Variants in PCNX2 observed in about 807,000 individuals in gnomAD.
PCNX2 encodes the protein pecanex-like protein 2.
A neutral mutation model predicts 223.8 loss-of-function variants in PCNX2; 168 were observed. That is an observed-to-expected ratio of 0.75 (90% CI 0.66 to 0.85). PCNX2 has a LOEUF of 0.85. Among genes scored for constraint, PCNX2 ranks in the 40% least tolerant of loss-of-function variants. The probability of loss-of-function intolerance (pLI) is 0.00; values close to 1 mark genes in which losing one functional copy is unlikely to be tolerated. For missense variants in PCNX2, 2,507 were observed against 2,675.5 expected (o/e 0.94, Z 1.39); for synonymous variants, 1,006 against 1,052.6 (o/e 0.96, Z 0.86).
At chr1:233,259,873 A>G in intron 4 of PCNX2, 1 of 878,332 alleles carries the variant, frequency 1.1e-6, no homozygotes, top group Non-Finnish European at 1.4e-6. Context: ...ACACAACAAT[A>G]AAAATAAAAC....
intron 26 of PCNX2, among the ~76,000 whole-genome samples, chr1:233,017,827 T>C (rs1205218455): frequency 6.6e-6 from 1 of 152,200 alleles, no homozygotes; most frequent in Admixed American, 6.5e-5. Flanking sequence ...ATAATTTGTA[T>C]GATGAGGAAG....
chr1:233,183,307 C>A (rs376646661), intron 15 of PCNX2, among the ~76,000 whole-genome samples: 2 of 152,086 alleles, frequency 1.3e-5, no homozygotes, highest in African/African-American at 4.8e-5. Flanking sequence ...CATTAGACAC[C>A]GGACTCCCCA....
At position 233,274,676 on chromosome 1, in the gene PCNX2, G is replaced by A. The variant is rs554841439; in HGVS notation, c.154-11513C>T. 1.8e-4 allele frequency among the ~76,000 whole-genome samples: 27 copies of A among 152,290 alleles called. 1 individual carries two copies. The highest frequency in any genetic ancestry group is 8.3e-4 in the South Asian group (4 of 4,822). On this transcript the variant is annotated intron_variant, in intron 1 of 33. Coordinates refer to ENST00000258229, the MANE Select transcript of PCNX2 (RefSeq NM_014801.4). Reference sequence around the variant, plus strand: ...ACTATTTCAGAGAAGTCACACATTTGAAAACTATAAAGCATGCTGAGAAAA... The same window carrying A: ...ACTATTTCAGAGAAGTCACACATTTAAAAACTATAAAGCATGCTGAGAAAA...
chr1:233,119,645 A>G (rs1675652000), intron 21 of PCNX2, among the ~76,000 whole-genome samples: 1 of 151,848 alleles, frequency 6.6e-6, no homozygotes, highest in East Asian at 1.9e-4. Context: ...ATGGCTTAGG[A>G]AACAAACAAA....
chr1:233,246,869 G>A (rs746763635), intron 8 of PCNX2, among the ~76,000 whole-genome samples: 2 of 152,196 alleles, frequency 1.3e-5, no homozygotes, highest in Non-Finnish European at 2.9e-5. Flanking sequence ...TCTAAATTGA[G>A]CCTGATAGCT....
the PCNX2 span, among the ~76,000 whole-genome samples, chr1:233,308,579 G>A: frequency 2.6e-5 from 4 of 152,124 alleles, no homozygotes; most frequent in Non-Finnish European, 4.4e-5. Flanking sequence ...GATATTTAGT[G>A]GTATAAGAGT....
chr1:233,049,006 T>C (rs1186546298), intron 25 of PCNX2, among the ~76,000 whole-genome samples: 1 of 152,020 alleles, frequency 6.6e-6, no homozygotes, highest in African/African-American at 2.4e-5. Context: ...TGAAATTGAA[T>C]ATGTAATAAA....
At chr1:233,091,381 T>G (rs553239382) in intron 22 of PCNX2, among the ~76,000 whole-genome samples, 1 of 152,034 alleles carries the variant, frequency 6.6e-6, no homozygotes, top group Admixed American at 6.5e-5. Flanking sequence ...ACTCTGCATT[T>G]CATTATCAAG....
chr1:232,985,960 T>C (rs1274552763), intron 33 of PCNX2, 132 bp downstream of exon 33: 1 of 992,560 alleles, frequency 1.0e-6, no homozygotes, highest in South Asian at 1.4e-5. Flanking sequence ...TTTGTCACTC[T>C]GGGAGCCCCA....
chr1:233,023,802 T>C (rs1418515969), intron 26 of PCNX2, among the ~76,000 whole-genome samples: 1 of 152,248 alleles, frequency 6.6e-6, no homozygotes, highest in Admixed American at 6.5e-5. Context: ...GTTGTAAACA[T>C]GCTGCCACAG....
At chr1:233,295,861 T>C (rs184943788), upstream of PCNX2, 594 of 213,832 alleles carry the variant, frequency 2.8e-3, 2 homozygotes, top group Non-Finnish European at 3.4e-3. This position sits in a 1 kb window ranked among gnomAD's most constrained non-coding sequence, Gnocchi z 4.1. Flanking sequence ...GCCTTTTCTT[T>C]CTCTCTTTCT....
chr1:233,227,148 T>C lies in PCNX2; in HGVS notation c.2504+78A>G, dbSNP rs1572111731. On this transcript the variant is annotated intron_variant, in intron 10 of 33. Transcript: ENST00000258229. ...TGAAAATGTGCAAGTGACAATGTTC[T>C]CTTTGAAAGCATGCAGTGGGCACTG... is the stretch of plus-strand genomic sequence containing the variant. The C allele has an allele frequency of 2.1e-6, 3 of 1,419,330 alleles. No individual in the cohort carries two copies. The East Asian group carries it at 7.5e-5, about 36-fold the overall frequency. 87.9% of individuals were successfully genotyped at this position (1,419,330 alleles called of 1,614,324 possible).
intron 33 of PCNX2, chr1:232,984,737 C>T (rs890581278): frequency 2.5e-6 from 1 of 399,304 alleles, no homozygotes; most frequent in African/African-American, 2.1e-5. Context: ...AAGAGCGGCC[C>T]TGGGGGGAAG....
Position 233,252,689 on chromosome 1 carries a change from T to A in PCNX2, c.1934A>T (p.His645Leu). 1.9e-6 allele frequency: 3 copies of A among 1,613,904 alleles called. No individual in the cohort carries two copies. The highest frequency in any genetic ancestry group is 2.5e-6 in the Non-Finnish European group (3 of 1,179,838). ...AGTGCATGCGGGGCCGGTGCTAGTATGGTCTTGACTTTGCAAATCTGGTTT... is the reference window on the plus strand; with the variant it reads ...AGTGCATGCGGGGCCGGTGCTAGTAAGGTCTTGACTTTGCAAATCTGGTTT... The part of the protein sequence containing the change: ...QGKPDLQSQD[H>L]TSTGPACTQP... The change falls in exon 6 of 34, where the codon CAT (histidine) becomes CTT (leucine). Residue 645 changes from histidine (H) to leucine (L), a missense_variant. Physicochemically the swap from His to Leu is moderately conservative, Grantham distance 99. Transcript: ENST00000258229.
At chr1:233,054,584 A>T (rs1350227803) in intron 24 of PCNX2, 101 bp from the exon 25 acceptor site, 1 of 908,882 alleles carries the variant, frequency 1.1e-6, no homozygotes, top group Admixed American at 2.5e-5. Context: ...GTAAAATCAG[A>T]CTCTTTATAT....
chr1:233,126,941 C>A lies in PCNX2; in HGVS notation c.3837+8072G>T, dbSNP rs1311082286. ...GTGGCTTTCACCTGCACTGCACTCT[C>A]CCCCGTATCTATCTGATCACTAAAC... On this transcript the variant is annotated intron_variant, in intron 21 of 33. Coordinates refer to ENST00000258229, the MANE Select transcript of PCNX2 (RefSeq NM_014801.4). This position sits in a 1 kb window ranked among gnomAD's most constrained non-coding sequence, Gnocchi z 4.8. Among the ~76,000 whole-genome samples the A allele has an allele frequency of 1.4e-5, 2 of 147,060 alleles. No individual in the cohort carries two copies. Among genetic ancestry groups the A allele is most frequent in the African/African-American group, 4.9e-5 (2 of 41,088 alleles).
At chr1:233,130,791 T>C (rs1474154720) in intron 21 of PCNX2, among the ~76,000 whole-genome samples, 31 of 144,314 alleles carry the variant, frequency 2.1e-4, no homozygotes, top group East Asian at 6.1e-4. Flanking sequence ...CACCCCCCCC[T>C]TTTTTTTTTA....
chr1:233,135,053 A>G lies in PCNX2; in HGVS notation c.3797T>C (p.Phe1266Ser). The G allele has an allele frequency of 6.2e-7, 1 of 1,611,910 alleles. No homozygotes were observed. The highest frequency in any genetic ancestry group is 8.5e-7 in the Non-Finnish European group (1 of 1,177,944). Residue 1266 changes from phenylalanine to serine, a missense_variant, in exon 21 of 34, where the codon TTC (phenylalanine) becomes TCC (serine). Coordinates refer to ENST00000258229, the MANE Select transcript of PCNX2 (RefSeq NM_014801.4). ...HFDYKDISES[F>S]LLDFFMVSIL... ...GGACACCATGAAGAAATCCAGTAAG[A>G]AGCTCTCTGAAATATCTTTGTAGTC...
chr1:233,167,272 T>G (rs553435541), intron 17 of PCNX2, among the ~76,000 whole-genome samples: 2 of 152,274 alleles, frequency 1.3e-5, no homozygotes, highest in South Asian at 4.1e-4. Context: ...CACATTTTGC[T>G]AAGCGAAATA....
Sources: gnomAD v4.1 joint callset for allele counts (sites outside exome capture counted in the v4.1 genomes callset) on GRCh38, gnomAD v4.1.1 for gene constraint, Gnocchi (gnomAD v3.1) non-coding constraint, MANE v1.5 for transcripts, NCBI Gene and HGNC (gene_info 2026-07-23, HGNC 2026-07-21) for gene names.